ZBTB44: variants seen among roughly 807,000 people sequenced by gnomAD.
ZBTB44 encodes the protein zinc finger and BTB domain containing 44, also known as zinc finger and BTB domain-containing protein 44.
In ZBTB44, 15 loss-of-function variants were observed where a neutral mutation model predicts 54.0. That is an observed-to-expected ratio of 0.28 (90% confidence interval 0.19 to 0.43). ZBTB44 has a LOEUF of 0.43. Ranked by LOEUF, ZBTB44 falls within the 20% of genes least tolerant of loss-of-function variation. ZBTB44 has a pLI of 1.00. For missense variants in ZBTB44, 487 were observed against 707.1 expected (o/e 0.69, Z 3.53); for synonymous variants, 230 against 250.1 (o/e 0.92, Z 0.76).
At chr11:130,237,212 C>T in intron 4 of ZBTB44, 119 bp from the exon 5 acceptor site, 1 of 997,308 alleles carries the variant, frequency 1.0e-6, no homozygotes. Flanking sequence ...CAAGAATTAC[C>T]AGCAAAAACA....
At chr11:130,292,498 C>A (rs1458230130) in intron 1 of ZBTB44, among the ~76,000 whole-genome samples, 1 of 151,660 alleles carries the variant, frequency 6.6e-6, no homozygotes, top group Non-Finnish European at 1.5e-5. Context: ...TGGTATGCAA[C>A]AAGATCATAA....
chr11:130,311,792 T>G (rs771640154), intron 1 of ZBTB44, among the ~76,000 whole-genome samples: 4 of 152,014 alleles, frequency 2.6e-5, no homozygotes, highest in African/African-American at 9.7e-5. Flanking sequence ...TTTCCAGAGG[T>G]GAGCAAAGAA....
rs745839634 is a variant in ZBTB44, at chr11:130,236,916, C to G, written c.1445G>C (p.Arg482Pro). 1 of 1,596,736 alleles carries G rather than the reference C, an allele frequency of 6.3e-7. No homozygotes were observed. The highest frequency in any genetic ancestry group is 8.5e-7 in the Non-Finnish European group (1 of 1,172,972). ...TTTGCACTCGTAAATCCGAGGCTTG[C>G]GGATAATGTGCCGGGAAACCCTCAT... ...HHMRVSRHII[R>P]KPRIYECKTC... is the part of the protein sequence containing the mutation. The change falls in exon 5 of 8, where the codon CGC (arginine) becomes CCC (proline). Residue 482 changes from arginine (R) to proline (P), a missense_variant. Coordinates refer to ENST00000357899, the MANE Select transcript of ZBTB44 (RefSeq NM_001301098.2).
chr11:130,292,087 A>G (rs1472755403), intron 1 of ZBTB44, among the ~76,000 whole-genome samples: 3 of 152,066 alleles, frequency 2.0e-5, no homozygotes, highest in Non-Finnish European at 4.4e-5. Flanking sequence ...CATGCTGTTG[A>G]GCGTAAGGAT....
In ZBTB44 at chr11:130,296,037, G is replaced by A. The variant is rs1941621732; in HGVS notation, c.-57+18338C>T. 3 of 1,581,142 alleles carry A rather than the reference G, an allele frequency of 1.9e-6. No individual in the cohort carries two copies. The South Asian group carries it at 3.3e-5, about 18-fold the overall frequency. ...TTATGTATAAAAACCTGCAGTGTCT[G>A]GTTATTGATGAAGCTGATCGTATCT... On this transcript the variant is annotated intron_variant, in intron 1 of 7. Coordinates refer to ENST00000357899, the MANE Select transcript of ZBTB44 (RefSeq NM_001301098.2).
rs779970670 is a variant in ZBTB44 at position 130,238,484 on chromosome 11, G to C, written c.1227C>G (p.Thr409=). The C allele has an allele frequency of 1.9e-6, 3 of 1,608,970 alleles. No homozygotes were observed. In the African/African-American group the frequency reaches 4.0e-5, roughly 22 times the overall value. Residue 409 remains threonine (T), a synonymous_variant, in exon 4 of 8, where the codon ACC becomes ACG. Transcript: ENST00000357899. ...TGTGCTGCTTTAGGTTCTGAATACG[G>C]GTGAATCGCACCCCGCAGGTTGGAC... The part of the protein sequence containing the change: ...FQCPTCGVRF[T]RIQNLKQHML...
intron 2 of ZBTB44, among the ~76,000 whole-genome samples, chr11:130,259,307 T>C (rs1308913195): frequency 6.6e-6 from 1 of 152,246 alleles, no homozygotes; most frequent in Non-Finnish European, 1.5e-5. Context: ...AAACAACAGA[T>C]GCTGTTGAGG....
intron 2 of ZBTB44, among the ~76,000 whole-genome samples, chr11:130,258,760 T>C (rs1346613170): frequency 1.3e-5 from 2 of 152,176 alleles, no homozygotes; most frequent in Non-Finnish European, 2.9e-5. Flanking sequence ...CTTTCTAGAA[T>C]ACAAAGCTGA....
At chr11:130,263,514 T>C (rs1289571908) in intron 1 of ZBTB44, among the ~76,000 whole-genome samples, 1 of 152,180 alleles carries the variant, frequency 6.6e-6, no homozygotes, top group African/African-American at 2.4e-5. Flanking sequence ...GCAAGTGAAT[T>C]AGTTATAATC....
At chr11:130,313,962 A>T (rs1437954323) in intron 1 of ZBTB44, among the ~76,000 whole-genome samples, 3 of 133,702 alleles carry the variant, frequency 2.2e-5, no homozygotes, top group African/African-American at 8.7e-5. Context: ...ATATATATAT[A>T]TATATTTTTT....
chr11:130,297,604 G>A lies in ZBTB44; in HGVS notation c.-57+16771C>T, dbSNP rs73587083. On this transcript the variant is annotated intron_variant, in intron 1 of 7. Transcript: ENST00000357899. ...ATCATTAAGGTGTCCTCGTATAAAG[G>A]GGACATTTGTAGACAGACATGCACA... is the stretch of plus-strand genomic sequence containing the variant. 5.5e-3 allele frequency among the ~76,000 whole-genome samples: 843 copies of A among 152,268 alleles called. 7 individuals carry two copies. The highest frequency in any genetic ancestry group is 0.019 in the African/African-American group (790 of 41,554).
Position 130,261,238 on chromosome 11 carries a change from A to C in ZBTB44, c.636T>G (p.Ala212=). The C allele has an allele frequency of 6.2e-7, 1 of 1,613,966 alleles. No individual in the cohort carries two copies. Among genetic ancestry groups the C allele is most frequent in the Non-Finnish European group, 8.5e-7 (1 of 1,179,886 alleles). Residue 212 remains alanine (A), a synonymous_variant, in exon 2 of 8, where the codon GCT becomes GCG. Coordinates refer to ENST00000357899, the MANE Select transcript of ZBTB44 (RefSeq NM_001301098.2). This position sits in a 1 kb window ranked among gnomAD's most constrained non-coding sequence, Gnocchi z 4.8. ...GTTGGTTTCTATTTTCTGAGTAGGA[A>C]GCTGAAGAATTCAATACCTGGGGTG... ...TSSPQVLNSS[A]SYSENRNQPV... is the part of the protein sequence containing the mutation.
chr11:130,282,813 T>C (rs1940626984), intron 1 of ZBTB44, among the ~76,000 whole-genome samples: 1 of 152,150 alleles, frequency 6.6e-6, no homozygotes. Flanking sequence ...ACAGCAGATG[T>C]CATGTGTGTG....
intron 1 of ZBTB44, among the ~76,000 whole-genome samples, chr11:130,293,016 A>G (rs1941397030): frequency 6.6e-6 from 1 of 152,196 alleles, no homozygotes; most frequent in Non-Finnish European, 1.5e-5. Context: ...TTAGATTTAC[A>G]TGAGAACTCA....
chr11:130,263,138 C>T (rs116663791), intron 1 of ZBTB44, among the ~76,000 whole-genome samples: 4 of 152,166 alleles, frequency 2.6e-5, no homozygotes, highest in Non-Finnish European at 5.9e-5. Flanking sequence ...TCAGACTTCA[C>T]AAAAGGATAA....
At chr11:130,245,239 G>A (rs977768250) in intron 2 of ZBTB44, among the ~76,000 whole-genome samples, 1 of 152,080 alleles carries the variant, frequency 6.6e-6, no homozygotes, top group Admixed American at 6.6e-5. Flanking sequence ...CGGCATTCCT[G>A]CTTTTCCCCT....
At chr11:130,286,331 T>C (rs1194930081) in intron 1 of ZBTB44, among the ~76,000 whole-genome samples, 2 of 152,176 alleles carry the variant, frequency 1.3e-5, no homozygotes, top group African/African-American at 4.8e-5. Flanking sequence ...GAAAAATACA[T>C]ACTTTTTGAC....
At chr11:130,270,555 T>A (rs1565666338) in intron 1 of ZBTB44, among the ~76,000 whole-genome samples, 1 of 152,196 alleles carries the variant, frequency 6.6e-6, no homozygotes. Flanking sequence ...AGACCTACAA[T>A]CTTCTTCAAA....
intron 1 of ZBTB44, among the ~76,000 whole-genome samples, chr11:130,286,406 A>C (rs1044736620): frequency 2.0e-5 from 3 of 152,214 alleles, no homozygotes; most frequent in African/African-American, 7.2e-5. Flanking sequence ...ATAGTCTCTG[A>C]AACTTACTAC....
Sources: gnomAD v4.1 joint callset for allele counts (sites outside exome capture counted in the v4.1 genomes callset) on GRCh38, gnomAD v4.1.1 for gene constraint, Gnocchi (gnomAD v3.1) non-coding constraint, MANE v1.5 for transcripts, NCBI Gene and HGNC (gene_info 2026-07-23, HGNC 2026-07-21) for gene names.